The following SPATA22 variants were observed in gnomAD, a reference collection of about 807,000 sequenced individuals.
The protein encoded by SPATA22 is spermatogenesis associated 22, also known as spermatogenesis-associated protein 22.
SPATA22 carries 29 observed loss-of-function variants against 47.8 expected under a neutral mutation model. The observed-to-expected ratio is 0.61, with a 90% CI of 0.45 to 0.83. The LOEUF is 0.83. Among genes scored for constraint, SPATA22 ranks in the 40% least tolerant of loss-of-function variants. The pLI is 0.00. For missense variants in SPATA22, 410 were observed against 421.7 expected, an observed-to-expected ratio of 0.97 and a Z score of 0.24; for synonymous variants, 133 against 140.9, an observed-to-expected ratio of 0.94 and a Z score of 0.40.
Position 3,458,855 on chromosome 17 carries a change from C to CAAAAAAAA in SPATA22, c.329+3620_329+3627dup, listed in dbSNP as rs545223532. Among the ~76,000 whole-genome samples, 70 of 38,336 alleles carry CAAAAAAAA rather than the reference C, an allele frequency of 1.8e-3. 3 individuals are homozygous for CAAAAAAAA. The highest frequency in any genetic ancestry group is 5.2e-3 in the African/African-American group (46 of 8,768). 25.1% of individuals were successfully genotyped at this position (38,336 alleles called of 152,430 possible). A position where few individuals can be genotyped will look rare whatever the true frequency, so the allele number is the denominator to read the frequency against. On this transcript the variant is annotated intron_variant, in intron 5 of 8. Transcript: ENST00000572969. The stretch of plus-strand genomic sequence containing the variant: ...CCTGGGCAACAAGAGCGAAACTTCA[C>CAAAAAAAA]AAAAAAAAAAAAAAAAAAAAAAAAA...
upstream of SPATA22, among the ~76,000 whole-genome samples, chr17:3,474,662 G>A (rs145427051): frequency 2.9e-3 from 447 of 152,236 alleles, 2 homozygotes; most frequent in African/African-American, 9.2e-3. Context: ...TGCATTATAA[G>A]CTCTTAAAGG....
chr17:3,481,601 A>T lies in SPATA22; in HGVS notation c.-73-12203T>A, dbSNP rs780936696. The T allele has an allele frequency of 3.7e-6, 6 of 1,612,944 alleles. No individual in the cohort carries two copies. The highest frequency in any genetic ancestry group is 1.3e-5 in the African/African-American group (1 of 74,902). ...TCATCTTTTTCTTTCTGCTTATAACAGCAAAAAAATGTCAGAAGATTTGCC... is the reference window on the plus strand; with the variant it reads ...TCATCTTTTTCTTTCTGCTTATAACTGCAAAAAAATGTCAGAAGATTTGCC... On this transcript the variant is annotated intron_variant, in intron 1 of 8. Coordinates refer to the SPATA22 transcript ENST00000541913.
intron 1 of SPATA22, among the ~76,000 whole-genome samples, chr17:3,506,507 T>C (rs966168132): frequency 1.3e-5 from 2 of 152,216 alleles, no homozygotes; most frequent in South Asian, 2.1e-4. Flanking sequence ...TAGCTACAGA[T>C]AGACTAAATG....
intron 7 of SPATA22, among the ~76,000 whole-genome samples, chr17:3,445,458 CTG>C (rs923176281): frequency 1.3e-4 from 20 of 152,170 alleles, no homozygotes; most frequent in African/African-American, 4.8e-4. Context: ...AAAACGAAAA[CTG>C]AACAAAACCA....
chr17:3,491,707 C>G (rs576817239), intron 1 of SPATA22, among the ~76,000 whole-genome samples: 2 of 151,824 alleles, frequency 1.3e-5, no homozygotes, highest in South Asian at 4.2e-4. Context: ...GAGTTCATGC[C>G]ACTGCACTCC....
chr17:3,513,792 G>C (rs1422202678), exon 1 of SPATA22: 20 of 767,324 alleles, frequency 2.6e-5, no homozygotes, highest in Non-Finnish European at 3.7e-5. Context: ...GAGCACGAGG[G>C]TGCACTCTGC....
At chr17:3,498,056 C>A (rs1023770446) in intron 1 of SPATA22, among the ~76,000 whole-genome samples, 4 of 152,152 alleles carry the variant, frequency 2.6e-5, no homozygotes, top group African/African-American at 7.2e-5. Context: ...ATACACCCAC[C>A]TTGTCCCAGA....
At chr17:3,475,895 A>G, upstream of SPATA22, 1 of 487,674 alleles carries the variant, frequency 2.1e-6, no homozygotes, top group East Asian at 3.8e-5. Flanking sequence ...AGGGAGTTAG[A>G]AGTTAAAGTA....
intron 3 of SPATA22, among the ~76,000 whole-genome samples, 165 bp from the exon 4 acceptor site, chr17:3,462,932 T>C (rs67022371): frequency 0.23 from 35,190 of 152,156 alleles, 4,354 homozygotes; most frequent in East Asian, 0.42. Flanking sequence ...CACAGCCTGC[T>C]TTATTAATTT....
At position 3,446,514 on chromosome 17, in the gene SPATA22, G is replaced by A. The variant is rs199809213; in HGVS notation, c.760C>T (p.Arg254Cys). The change falls in exon 7 of 9, where the codon CGT becomes TGT. Residue 254 changes from arginine to cysteine, a missense_variant. Physicochemically the swap from Arg to Cys is radical, Grantham distance 180 (BLOSUM62 -3). Transcript: ENST00000572969. ...SAVIESMKYW[R>C]EHAQKTVLLF... ...AGTACAGTTTTCTGTGCATGTTCAC[G>A]CCAATACTTCATGCTTTCAATAACT... The A allele has an allele frequency of 2.9e-5, 46 of 1,608,258 alleles. No individual in the cohort carries two copies. In the Admixed American group the frequency reaches 2.9e-4, roughly 10 times the overall value.
chr17:3,463,909 TCCTCTCCCTCTC>T lies in SPATA22; in HGVS notation c.173-1154_173-1143del, dbSNP rs372677703. ...GACAAACATTTTAAAAAAACACTGATCCTCTCCCTCTCCCTCTCCCTCTCCCTCTCCCTCTCC... is the reference window on the plus strand; with the variant it reads ...GACAAACATTTTAAAAAAACACTGATCCTCTCCCTCTCCCTCTCCCTCTCC... On this transcript the variant is annotated intron_variant, in intron 3 of 8. Transcript: ENST00000572969. Among the ~76,000 whole-genome samples the T allele has an allele frequency of 8.7e-4, 78 of 89,844 alleles. 1 individual carries two copies. The highest frequency in any genetic ancestry group is 2.1e-3 in the African/African-American group (48 of 22,660). 58.9% of individuals were successfully genotyped at this position (89,844 alleles called of 152,430 possible). A position where few individuals can be genotyped will look rare whatever the true frequency, so the allele number is the denominator to read the frequency against.
At chr17:3,455,813 T>G (rs1411470718) in intron 5 of SPATA22, among the ~76,000 whole-genome samples, 1 of 151,492 alleles carries the variant, frequency 6.6e-6, no homozygotes, top group African/African-American at 2.4e-5. Context: ...TTTAAAGTAG[T>G]TTTTTCCAAT....
intron 5 of SPATA22, among the ~76,000 whole-genome samples, chr17:3,460,365 GAAT>G (rs1257127193): frequency 6.6e-6 from 1 of 151,832 alleles, no homozygotes; most frequent in African/African-American, 2.4e-5. Flanking sequence ...CTTTTTTCTA[GAAT>G]TATTCTATTA....
chr17:3,505,608 G>A (rs2074033063), intron 1 of SPATA22, among the ~76,000 whole-genome samples: 1 of 152,190 alleles, frequency 6.6e-6, no homozygotes. Context: ...CCATGGGGGT[G>A]ACCAGGGAGA....
At chr17:3,481,485 C>T in intron 1 of SPATA22, 2 of 932,802 alleles carry the variant, frequency 2.1e-6, no homozygotes, top group South Asian at 3.2e-5. Flanking sequence ...TTACTTACCA[C>T]ACAGATTTTT....
chr17:3,472,729 AAGGGCTT>A (rs1408071442), upstream of SPATA22, among the ~76,000 whole-genome samples: 2 of 152,168 alleles, frequency 1.3e-5, no homozygotes, highest in Non-Finnish European at 2.9e-5. Flanking sequence ...TGGGATAGGG[AAGGGCTT>A]AGAGATGAAA....
chr17:3,496,002 G>C (rs370922681), intron 1 of SPATA22, among the ~76,000 whole-genome samples: 5 of 152,200 alleles, frequency 3.3e-5, no homozygotes, highest in African/African-American at 1.2e-4. Flanking sequence ...GGATTTTTCA[G>C]GTTTTAGGAT....
chr17:3,471,426 T>C (rs2073432073), intron 1 of SPATA22: 11 of 985,350 alleles, frequency 1.1e-5, no homozygotes, highest in Non-Finnish European at 1.3e-5. Context: ...GGGACCCTCA[T>C]TTACCCCCAA....
At chr17:3,452,610 A>C (rs1291204726) in intron 5 of SPATA22, among the ~76,000 whole-genome samples, 7 of 152,046 alleles carry the variant, frequency 4.6e-5, no homozygotes, top group East Asian at 1.9e-4. Context: ...AAAAAGAAAA[A>C]CTAAGAGCTT....
Sources: gnomAD v4.1 joint callset for allele counts (sites outside exome capture counted in the v4.1 genomes callset) on GRCh38, gnomAD v4.1.1 for gene constraint, MANE v1.5 for transcripts, NCBI Gene and HGNC (gene_info 2026-07-23, HGNC 2026-07-21) for gene names.